GMIP: variants seen among roughly 807,000 people sequenced by gnomAD.
GMIP encodes the protein GEM interacting protein, also known as GEM-interacting protein.
A neutral mutation model predicts 105.3 loss-of-function variants in GMIP; 54 were observed. The ratio of observed to expected loss-of-function variants is 0.51; its 90% CI spans 0.41 to 0.64. The LOEUF is 0.64. Among genes scored for constraint, GMIP ranks in the 30% least tolerant of loss-of-function variants. The probability of loss-of-function intolerance (pLI) is 0.00; values close to 1 mark genes in which losing one functional copy is unlikely to be tolerated. For missense variants in GMIP, 1,110 were observed against 1,319.4 expected (o/e 0.84, Z 2.46); for synonymous variants, 541 against 560.8 (o/e 0.96, Z 0.50).
chr19:19,632,260 C>T (rs1468841603), intron 19 of GMIP, among the ~76,000 whole-genome samples: 1 of 151,794 alleles, frequency 6.6e-6, no homozygotes, highest in African/African-American at 2.4e-5. Context: ...CGCCATCGCA[C>T]TCCAACCTGG....
In GMIP at chr19:19,635,257, T is replaced by C; in HGVS notation, c.1561-44A>G. On this transcript the variant is annotated intron_variant, in intron 15 of 20. Transcript: ENST00000203556. This position sits in a 1 kb window ranked among gnomAD's most constrained non-coding sequence, Gnocchi z 4.7. The stretch of plus-strand genomic sequence containing the variant: ...GGACAGGGAGGTCATTAGGGACCAG[T>C]AGGGGAAGAGAAGGTTACAAGGATC... 1.3e-6 allele frequency: 2 copies of C among 1,567,800 alleles called. No homozygotes were observed. The highest frequency in any genetic ancestry group is 1.1e-5 in the South Asian group (1 of 88,368).
At position 19,637,295 on chromosome 19, in the gene GMIP, G is replaced by A; in HGVS notation, c.1124+70C>T. 4 of 1,084,688 alleles carry A rather than the reference G, an allele frequency of 3.7e-6. No individual in the cohort carries two copies. Among genetic ancestry groups the A allele is most frequent in the Non-Finnish European group, 4.0e-6 (3 of 754,676 alleles). The allele number at this position is 1,084,688 out of a possible 1,614,324, so 67.2% of individuals were successfully genotyped here. On this transcript the variant is annotated intron_variant, in intron 11 of 20. Coordinates refer to ENST00000203556, the MANE Select transcript of GMIP (RefSeq NM_016573.4). This position sits in a 1 kb window ranked among gnomAD's most constrained non-coding sequence, Gnocchi z 6.7. ...TGCGTTCTCTAACCTCGAGTAACCA[G>A]CCTGCGGTGCCAACAGCCTGGCATC... is the stretch of plus-strand genomic sequence containing the variant.
Position 19,635,581 on chromosome 19 carries a change from C to G in GMIP, c.1406-12G>C. 1 of 1,613,828 alleles carries G rather than the reference C, an allele frequency of 6.2e-7. No individual in the cohort carries two copies. Among genetic ancestry groups the G allele is most frequent in the Non-Finnish European group, 8.5e-7 (1 of 1,179,752 alleles). On this transcript the variant is annotated splice_polypyrimidine_tract_variant and intron_variant, in intron 14 of 20. Transcript: ENST00000203556. This position sits in a 1 kb window ranked among gnomAD's most constrained non-coding sequence, Gnocchi z 4.7. ...CCCGTCTCCCAGGTCTGCAGGGAGA[C>G]AGGGTCAGGAGTGCCTGGTGCCCTG...
In GMIP at chr19:19,634,476, C is replaced by A; in HGVS notation, c.2084+31G>T. The A allele has an allele frequency of 1.3e-6, 2 of 1,562,748 alleles. No individual in the cohort carries two copies. The highest frequency in any genetic ancestry group is 2.3e-5 in the South Asian group (2 of 85,946). On this transcript the variant is annotated intron_variant, in intron 18 of 20. Transcript: ENST00000203556. The surrounding 1 kb of genome is among the most constrained non-coding windows in gnomAD (Gnocchi z 6.1). Reference sequence around the variant, plus strand: ...TAGTCGCATGTCCAGGGAAAAGGGTCGCGTTTCAAGGCTCAGGGACCCATG... The same window carrying A: ...TAGTCGCATGTCCAGGGAAAAGGGTAGCGTTTCAAGGCTCAGGGACCCATG...
intron 9 of GMIP, 38 bp from the exon 10 acceptor site, chr19:19,638,095 T>A (rs1299134127): frequency 1.3e-6 from 2 of 1,546,982 alleles, no homozygotes; most frequent in Admixed American, 3.9e-5. Context: ...GTGGGGCGCG[T>A]GTGGGCGAGA....
In GMIP at chr19:19,643,563, G is replaced by GA. The variant is rs1368695034; in HGVS notation, c.-35dup. The GA allele has an allele frequency of 2.0e-6, 3 of 1,529,038 alleles. No homozygotes were observed. Among genetic ancestry groups the GA allele is most frequent in the Non-Finnish European group, 2.6e-6 (3 of 1,134,332 alleles). 94.7% of individuals were successfully genotyped at this position (1,529,038 alleles called of 1,614,324 possible). On this transcript the variant is annotated 5_prime_UTR_variant, in exon 1 of 21. Transcript: ENST00000203556. ...CCGGGGATCGCTCTGCAGGGACCGG[G>GA]ATGGGGATGGGGTCGCGCGCCGGCG... is the stretch of plus-strand genomic sequence containing the variant.
Position 19,637,213 on chromosome 19 carries a change from C to G in GMIP, c.1124+152G>C. The stretch of plus-strand genomic sequence containing the variant: ...GCCCCTGCCCCTAGGACTGGGACAA[C>G]CCATTCACCCTCCTATGGCCCCCGA... On this transcript the variant is annotated intron_variant, in intron 11 of 20. Transcript: ENST00000203556. The surrounding 1 kb of genome is among the most constrained non-coding windows in gnomAD (Gnocchi z 6.7). 1 of 670,298 alleles carries G rather than the reference C, an allele frequency of 1.5e-6. No homozygotes were observed. Among genetic ancestry groups the G allele is most frequent in the Non-Finnish European group, 2.5e-6 (1 of 394,380 alleles). 41.5% of individuals were successfully genotyped at this position (670,298 alleles called of 1,614,324 possible).
At chr19:19,640,682 C>G in intron 4 of GMIP, 111 bp from the exon 5 acceptor site, 5 of 1,023,634 alleles carry the variant, frequency 4.9e-6, no homozygotes, top group Non-Finnish European at 7.3e-6. Context: ...CACAGCTCCC[C>G]AAACACTACT....
chr19:19,643,477 G>C, intron 1 of GMIP, 34 bp downstream of exon 1: 2 of 1,530,702 alleles, frequency 1.3e-6, no homozygotes, highest in African/African-American at 1.4e-5. Flanking sequence ...GGGGATGGTC[G>C]GGGGAGGCCC....
intron 19 of GMIP, among the ~76,000 whole-genome samples, chr19:19,633,364 C>T (rs1179267555): frequency 6.6e-6 from 1 of 152,170 alleles, no homozygotes; most frequent in Non-Finnish European, 1.5e-5. Flanking sequence ...AGCCATTACT[C>T]TACCTTTTCA....
chr19:19,632,851 C>T (rs559216031), intron 19 of GMIP, among the ~76,000 whole-genome samples: 4 of 152,218 alleles, frequency 2.6e-5, no homozygotes, highest in Admixed American at 6.5e-5. Flanking sequence ...ACACCAGGCA[C>T]GATCCTACCT....
rs2061783788 is a variant in GMIP at position 19,630,477 on chromosome 19, C to G, written c.2533G>C (p.Gly845Arg). The stretch of plus-strand genomic sequence containing the variant: ...CTCTCTCTAACATACTCACCTTCCC[C>G]TCCCCCATCTTTGGTGTCTTCAGCC... Reference protein sequence around the residue: ...DVAEDTKDGGGEVSSQGPEDS... With the variant: ...DVAEDTKDGGREVSSQGPEDS... Residue 845 changes from glycine (G) to arginine (R), a missense_variant, in exon 20 of 21, where the codon GGG (glycine) becomes CGG (arginine). By Grantham distance (125) the Gly-to-Arg change is moderately radical. Coordinates refer to ENST00000203556, the MANE Select transcript of GMIP (RefSeq NM_016573.4). The surrounding 1 kb of genome is among the most constrained non-coding windows in gnomAD (Gnocchi z 4.8). 6 of 1,613,854 alleles carry G rather than the reference C, an allele frequency of 3.7e-6. No homozygotes were observed. In the East Asian group the frequency reaches 1.3e-4, roughly 36 times the overall value.
rs880090 is a variant in GMIP at position 19,629,920 on chromosome 19, C to G, written c.*43G>C. The G allele has an allele frequency of 0.73, 1,142,815 of 1,570,024 alleles. 417,503 individuals are homozygous for G. Among genetic ancestry groups the G allele is most frequent in the East Asian group, 0.79 (34,538 of 43,850 alleles). ...GGGAGGTAGGGATATATGGGTCCGTCTTCACAATCTGGGCCTCTTCCTTAT... is the reference window on the plus strand; with the variant it reads ...GGGAGGTAGGGATATATGGGTCCGTGTTCACAATCTGGGCCTCTTCCTTAT... On this transcript the variant is annotated 3_prime_UTR_variant, in exon 21 of 21. Transcript: ENST00000203556.
Position 19,637,508 on chromosome 19 carries a change from G to T in GMIP, c.981C>A (p.Arg327=). 1 of 1,539,022 alleles carries T rather than the reference G, an allele frequency of 6.5e-7. No homozygotes were observed. The highest frequency in any genetic ancestry group is 8.7e-7 in the Non-Finnish European group (1 of 1,143,578). The part of the protein sequence containing the change: ...LRGAQAERGP[R]AFAALAECCA... ...AGCACTCGGCCAGGGCGGCGAAGGCGCGGGGGCCACGCTCTGCCTGCGCCC... is the reference window on the plus strand; with the variant it reads ...AGCACTCGGCCAGGGCGGCGAAGGCTCGGGGGCCACGCTCTGCCTGCGCCC... The change falls in exon 11 of 21, where the codon CGC becomes CGA. Residue 327 remains arginine, a synonymous_variant. Coordinates refer to ENST00000203556, the MANE Select transcript of GMIP (RefSeq NM_016573.4). The surrounding 1 kb of genome is among the most constrained non-coding windows in gnomAD (Gnocchi z 6.7).
chr19:19,635,375 G>A lies in GMIP; in HGVS notation c.1560+40C>T, dbSNP rs1224998357. 1.3e-6 allele frequency: 2 copies of A among 1,595,402 alleles called. No homozygotes were observed. The highest frequency in any genetic ancestry group is 2.7e-5 in the African/African-American group (2 of 74,688). ...AATCTCAGGTCAGGGAGATGATCAA[G>A]GGTCAGCAAAGGTCATTTGGTCATT... On this transcript the variant is annotated intron_variant, in intron 15 of 20. Transcript: ENST00000203556. The surrounding 1 kb of genome is among the most constrained non-coding windows in gnomAD (Gnocchi z 4.7).
rs755828230 is a variant in GMIP at position 19,637,869 on chromosome 19, G to C, written c.927+51C>G. ...TTAGGGGCGAGGAGTGGGGCACTCA[G>C]TCGGGGCCCCAACGGGGTGAGGGGA... On this transcript the variant is annotated intron_variant, in intron 10 of 20. Coordinates refer to ENST00000203556, the MANE Select transcript of GMIP (RefSeq NM_016573.4). This position sits in a 1 kb window ranked among gnomAD's most constrained non-coding sequence, Gnocchi z 6.7. 1 of 1,549,322 alleles carries C rather than the reference G, an allele frequency of 6.5e-7. No homozygotes were observed.
In GMIP at chr19:19,638,340, A is replaced by G. The variant is rs371079770; in HGVS notation, c.619-11T>C. 13 of 1,613,928 alleles carry G rather than the reference A, an allele frequency of 8.1e-6. No homozygotes were observed. The African/African-American group carries it at 1.6e-4, about 20-fold the overall frequency. On this transcript the variant is annotated splice_polypyrimidine_tract_variant and intron_variant, in intron 8 of 20. Coordinates refer to ENST00000203556, the MANE Select transcript of GMIP (RefSeq NM_016573.4). ...CTGCACCGCCTCATTCTGGGGGATG[A>G]TGAGAAGGTCAGCGTCCCGGCCTCT...
Position 19,634,117 on chromosome 19 carries a change from G to T in GMIP, c.2158C>A (p.Arg720=), listed in dbSNP as rs371889238. Residue 720 remains arginine, a synonymous_variant, in exon 19 of 21, where the codon CGG becomes AGG. Coordinates refer to ENST00000203556, the MANE Select transcript of GMIP (RefSeq NM_016573.4). This position sits in a 1 kb window ranked among gnomAD's most constrained non-coding sequence, Gnocchi z 6.1. ...LGIVFGPTLL[R]PPDGPRAASA... ...GCTGCCCGCGGGCCGTCCGGCGGCC[G>T]CAGCAGTGTCGGCCCAAACACAATG... is the stretch of plus-strand genomic sequence containing the variant. 1.2e-6 allele frequency: 2 copies of T among 1,612,038 alleles called. No individual in the cohort carries two copies. The highest frequency in any genetic ancestry group is 1.7e-6 in the Non-Finnish European group (2 of 1,179,184).
At position 19,637,876 on chromosome 19, in the gene GMIP, C is replaced by T. The variant is rs1437976564; in HGVS notation, c.927+44G>A. 6.4e-7 allele frequency: 1 copy of T among 1,561,570 alleles called. No homozygotes were observed. The highest frequency in any genetic ancestry group is 1.2e-5 in the South Asian group (1 of 82,706). ...CGAGGAGTGGGGCACTCAGTCGGGG[C>T]CCCAACGGGGTGAGGGGAGGATGGC... On this transcript the variant is annotated intron_variant, in intron 10 of 20. Transcript: ENST00000203556. The surrounding 1 kb of genome is among the most constrained non-coding windows in gnomAD (Gnocchi z 6.7).
Sources: allele counts gnomAD v4.1 joint callset (sites outside exome capture counted in the v4.1 genomes callset), GRCh38; gene constraint gnomAD v4.1.1; non-coding constraint Gnocchi (gnomAD v3.1); transcripts MANE v1.5; gene names NCBI Gene and HGNC (gene_info 2026-07-23, HGNC 2026-07-21).